GRID1: variants seen among roughly 807,000 people sequenced by gnomAD.
GRID1 encodes glutamate ionotropic receptor delta type subunit 1, also known as glutamate receptor ionotropic, delta-1.
GRID1 carries 28 observed loss-of-function variants against 98.0 expected under a neutral mutation model. That is an observed-to-expected ratio of 0.29 (90% CI 0.21 to 0.39). GRID1 has a LOEUF of 0.39. Ranked by LOEUF, GRID1 falls within the 10% of genes least tolerant of loss-of-function variation. GRID1 has a pLI of 1.00. For synonymous variants in GRID1, 553 were observed against 538.5 expected (o/e 1.03, Z -0.37); for missense variants, 1,111 against 1,340.5 (o/e 0.83, Z 2.67).
At position 85,958,972 on chromosome 10, in the gene GRID1, A is replaced by G. The variant is rs1465654047; in HGVS notation, c.727-42733T>C. Among the ~76,000 whole-genome samples, 4 of 147,442 alleles carry G rather than the reference A, an allele frequency of 2.7e-5. No individual in the cohort carries two copies. In the East Asian group the frequency reaches 5.9e-4, roughly 22 times the overall value. ...AACTCCGTCTCAAAAAAAAAAAAAA[A>G]GAAAGAAAGAAAGAAAGAAAAAGAA... On this transcript the variant is annotated intron_variant, in intron 4 of 15. Transcript: ENST00000327946.
At chr10:86,143,507 C>T (rs1157146824) in intron 3 of GRID1, among the ~76,000 whole-genome samples, 4 of 152,164 alleles carry the variant, frequency 2.6e-5, no homozygotes, top group Non-Finnish European at 5.9e-5. Flanking sequence ...GTGCCCCTTC[C>T]CCAGAATCCC....
At chr10:85,881,518 T>G (rs2131803373) in intron 5 of GRID1, among the ~76,000 whole-genome samples, 1 of 152,288 alleles carries the variant, frequency 6.6e-6, no homozygotes, top group East Asian at 1.9e-4. Flanking sequence ...AAACAAGCAA[T>G]GGGGAAAGGA....
chr10:86,325,961 A>C (rs1046047599), intron 2 of GRID1, among the ~76,000 whole-genome samples: 1 of 152,266 alleles, frequency 6.6e-6, no homozygotes, highest in East Asian at 1.9e-4. Flanking sequence ...TTTGTAGCAA[A>C]TATAGGTATC....
intron 4 of GRID1, among the ~76,000 whole-genome samples, chr10:85,962,397 A>AT (rs1842281016): frequency 6.6e-6 from 1 of 152,236 alleles, no homozygotes; most frequent in Non-Finnish European, 1.5e-5. Context: ...AAAATCAGAA[A>AT]AAAGCCCCAG....
At chr10:86,132,149 T>C (rs1844847117) in intron 4 of GRID1, among the ~76,000 whole-genome samples, 1 of 152,070 alleles carries the variant, frequency 6.6e-6, no homozygotes, top group South Asian at 2.1e-4. Flanking sequence ...GCAAGACCAG[T>C]GCTGGCTGAC....
chr10:86,208,193 AG>A (rs1846061258), intron 2 of GRID1, among the ~76,000 whole-genome samples: 1 of 152,126 alleles, frequency 6.6e-6, no homozygotes, highest in East Asian at 1.9e-4. Flanking sequence ...CCTCCATGCA[AG>A]GGCGCTCGCC....
chr10:86,066,149 T>A (rs1235232466), intron 4 of GRID1, among the ~76,000 whole-genome samples: 2 of 152,188 alleles, frequency 1.3e-5, no homozygotes, highest in African/African-American at 4.8e-5. Context: ...AGCAGGAGGC[T>A]GAGTTGACTG....
chr10:85,625,949 G>A (rs142212189), intron 13 of GRID1, among the ~76,000 whole-genome samples: 2,705 of 152,240 alleles, frequency 0.018, 24 homozygotes, highest in Non-Finnish European at 0.029. Context: ...AGCCTTTAAG[G>A]CAAGAACCTC....
intron 2 of GRID1, among the ~76,000 whole-genome samples, chr10:86,296,887 CAAG>C (rs1847601532): frequency 6.6e-6 from 1 of 151,910 alleles, no homozygotes; most frequent in African/African-American, 2.4e-5. Flanking sequence ...TAGAAATGAA[CAAG>C]AAGATCTCAT....
At chr10:85,666,825 C>G (rs889903990) in intron 12 of GRID1, among the ~76,000 whole-genome samples, 3 of 152,128 alleles carry the variant, frequency 2.0e-5, no homozygotes, top group Non-Finnish European at 2.9e-5. Flanking sequence ...CTCCCCCATA[C>G]AGCTCACATC....
rs114812282 is a variant in GRID1, at chr10:86,111,730, G to A, written c.726+27089C>T. On this transcript the variant is annotated intron_variant, in intron 4 of 15. Transcript: ENST00000327946. ...GGATCTGGTGTTCACAGCTTCCCAG[G>A]CTAACAGATATCAGTGTTTGGCTGG... Among the ~76,000 whole-genome samples the A allele has an allele frequency of 1.6e-3, 250 of 152,314 alleles. 1 individual carries two copies. The highest frequency in any genetic ancestry group is 5.7e-3 in the African/African-American group (236 of 41,582).
At chr10:85,936,862 G>T (rs1841933982) in intron 4 of GRID1, among the ~76,000 whole-genome samples, 1 of 152,200 alleles carries the variant, frequency 6.6e-6, no homozygotes, top group Admixed American at 6.5e-5. Context: ...TAAGTTAAAA[G>T]AGCAGTTATT....
chr10:86,097,581 T>C (rs1034869685), intron 4 of GRID1, among the ~76,000 whole-genome samples: 1 of 152,202 alleles, frequency 6.6e-6, no homozygotes. Context: ...ATCTGTATCC[T>C]ATTGGTTCTC....
intron 2 of GRID1, among the ~76,000 whole-genome samples, chr10:86,305,343 C>T (rs1297639969): frequency 1.3e-5 from 2 of 152,200 alleles, no homozygotes; most frequent in Non-Finnish European, 2.9e-5. Flanking sequence ...AGGGCCTGTG[C>T]CTGCTCTGAG....
intron 2 of GRID1, among the ~76,000 whole-genome samples, chr10:86,291,941 A>G (rs1160901474): frequency 6.6e-6 from 1 of 152,218 alleles, no homozygotes; most frequent in East Asian, 1.9e-4. Context: ...GGGCCCTTTG[A>G]GAAGGACTCA....
chr10:85,800,340 G>A (rs942194888), intron 8 of GRID1, among the ~76,000 whole-genome samples: 1 of 151,922 alleles, frequency 6.6e-6, no homozygotes, highest in African/African-American at 2.4e-5. Context: ...ATACAGTCCC[G>A]AAACTGGATT....
intron 12 of GRID1, among the ~76,000 whole-genome samples, chr10:85,712,920 G>C (rs779623986): frequency 3.3e-5 from 5 of 151,680 alleles, no homozygotes; most frequent in Non-Finnish European, 7.4e-5. Context: ...TGCAGCAAGA[G>C]CCCCTCTAAG....
chr10:86,112,249 T>A lies in GRID1; in HGVS notation c.726+26570A>T, dbSNP rs149393850. ...CTTAGCAGAGATTCCTCACGCCACATCTGCAGGATGAGGCGTGGCCCAGCT... is the reference window on the plus strand; with the variant it reads ...CTTAGCAGAGATTCCTCACGCCACAACTGCAGGATGAGGCGTGGCCCAGCT... On this transcript the variant is annotated intron_variant, in intron 4 of 15. Transcript: ENST00000327946. Among the ~76,000 whole-genome samples, 903 of 152,238 alleles carry A rather than the reference T, an allele frequency of 5.9e-3. 4 individuals are homozygous for A. Among genetic ancestry groups the A allele is most frequent in the Non-Finnish European group, 9.6e-3 (654 of 67,998 alleles).
At chr10:86,282,253 G>A (rs1006750316) in intron 2 of GRID1, among the ~76,000 whole-genome samples, 1 of 152,226 alleles carries the variant, frequency 6.6e-6, no homozygotes, top group African/African-American at 2.4e-5. Context: ...CAAAGGTAGA[G>A]GCAGGAGGCT....
Sources: gnomAD v4.1 joint callset for allele counts (sites outside exome capture counted in the v4.1 genomes callset) on GRCh38, gnomAD v4.1.1 for gene constraint, MANE v1.5 for transcripts, NCBI Gene and HGNC (gene_info 2026-07-23, HGNC 2026-07-21) for gene names.